Variants in RNF17 observed in about 807,000 individuals in gnomAD.
The protein encoded by RNF17 is spermatogenesis associated 23.
Under a neutral mutation model 200.5 loss-of-function variants are expected in RNF17, and 31 were observed. The observed-to-expected ratio is 0.15, with a 90% CI of 0.12 to 0.21. The LOEUF (loss-of-function observed/expected upper bound fraction) is 0.21, where lower values mean the gene tolerates loss of function less well. Ranked by LOEUF, RNF17 falls within the 10% of genes least tolerant of loss-of-function variation. The pLI is 1.00. For missense variants in RNF17, 1,628 were observed against 1,905.1 expected, an observed-to-expected ratio of 0.85 and a Z score of 2.71; for synonymous variants, 606 against 637.8, an observed-to-expected ratio of 0.95 and a Z score of 0.75.
chr13:24,853,796 T>C, intron 24 of RNF17, 59 bp from the exon 25 acceptor site: 1 of 1,315,450 alleles, frequency 7.6e-7, no homozygotes, highest in Non-Finnish European at 1.0e-6. Flanking sequence ...TTTTATGTTG[T>C]TTTACCCAGA....
At chr13:24,813,944 G>A (rs1593321756) in intron 15 of RNF17, among the ~76,000 whole-genome samples, 1 of 151,446 alleles carries the variant, frequency 6.6e-6, no homozygotes, top group Non-Finnish European at 1.5e-5. Flanking sequence ...TTACAGGCAT[G>A]AGCCTCGACA....
At chr13:24,830,149 G>A (rs1889226075) in intron 16 of RNF17, among the ~76,000 whole-genome samples, 1 of 152,110 alleles carries the variant, frequency 6.6e-6, no homozygotes, top group Non-Finnish European at 1.5e-5. Flanking sequence ...AGGTCACATA[G>A]AATTTTAGTG....
intron 24 of RNF17, among the ~76,000 whole-genome samples, 196 bp downstream of exon 24, chr13:24,851,767 T>C (rs1891919324): frequency 3.3e-5 from 5 of 152,216 alleles, no homozygotes. Context: ...TGTCAGTTCT[T>C]GCACACTTAA....
At chr13:24,853,716 G>T in intron 24 of RNF17, 139 bp from the exon 25 acceptor site, 2 of 602,520 alleles carry the variant, frequency 3.3e-6, no homozygotes, top group Non-Finnish European at 5.4e-6. Flanking sequence ...AATTTTAACT[G>T]ATGCTAATTT....
intron 13 of RNF17, among the ~76,000 whole-genome samples, chr13:24,801,793 G>T (rs537783354): frequency 1.3e-5 from 2 of 149,948 alleles, no homozygotes; most frequent in South Asian, 4.2e-4. Flanking sequence ...TTTCATCTAA[G>T]TGGAAAATTG....
chr13:24,829,916 G>A (rs969170984), intron 16 of RNF17, among the ~76,000 whole-genome samples: 9 of 152,050 alleles, frequency 5.9e-5, no homozygotes, highest in Admixed American at 5.9e-4. Context: ...ATGAATCTTT[G>A]TTGAATCTTT....
At chr13:24,809,481 G>A in intron 15 of RNF17, among the ~76,000 whole-genome samples, 1 of 152,070 alleles carries the variant, frequency 6.6e-6, no homozygotes, top group Non-Finnish European at 1.5e-5. Flanking sequence ...TGGGATCGGT[G>A]GTGATATCCC....
chr13:24,835,566 G>C (rs1449671749), intron 18 of RNF17, among the ~76,000 whole-genome samples: 1 of 152,144 alleles, frequency 6.6e-6, no homozygotes, highest in African/African-American at 2.4e-5. Flanking sequence ...GACCCAGAAA[G>C]AGACAACAAT....
chr13:24,849,350 A>C (rs1184376183), intron 22 of RNF17, among the ~76,000 whole-genome samples: 1 of 152,134 alleles, frequency 6.6e-6, no homozygotes, highest in Non-Finnish European at 1.5e-5. Context: ...AGCTTGTCCA[A>C]CCCACAGCCC....
At position 24,793,022 on chromosome 13, in the gene RNF17, A is replaced by G; in HGVS notation, c.936-20A>G. On this transcript the variant is annotated intron_variant, in intron 9 of 35. Coordinates refer to ENST00000255324, the MANE Select transcript of RNF17 (RefSeq NM_031277.3). ...ATATACCTCTGTATTCATAGCTTAT[A>G]TCTCTGTATTTTTAAACAGATGTTA... The G allele has an allele frequency of 2.0e-6, 3 of 1,469,770 alleles. No homozygotes were observed. Among genetic ancestry groups the G allele is most frequent in the East Asian group, 2.3e-5 (1 of 44,250 alleles). The allele number at this position is 1,469,770 out of a possible 1,614,324, so 91.0% of individuals were successfully genotyped here.
chr13:24,884,350 C>G (rs149001401), downstream of RNF17: 7 of 1,614,182 alleles, frequency 4.3e-6, no homozygotes, highest in Non-Finnish European at 5.9e-6. Flanking sequence ...TGACCTGCTT[C>G]ACGTCACCAT....
intron 11 of RNF17, among the ~76,000 whole-genome samples, chr13:24,797,705 A>AGTGTGTGTGTCTGTGTGTGT (rs61635829): frequency 1.8e-3 from 217 of 119,088 alleles, no homozygotes; most frequent in African/African-American, 5.7e-3. Flanking sequence ...AGAGACAAAG[A>AGTGTGTGTGTCTGTGTGTGT]GTGTGTGTGT....
chr13:24,763,842 A>G (rs1251180699), upstream of RNF17, among the ~76,000 whole-genome samples: 1 of 152,212 alleles, frequency 6.6e-6, no homozygotes, highest in Non-Finnish European at 1.5e-5. Context: ...TCTGGCCCTG[A>G]CACGTAATAG....
At chr13:24,855,536 G>A (rs1234020263) in intron 25 of RNF17, among the ~76,000 whole-genome samples, 14 of 151,958 alleles carry the variant, frequency 9.2e-5, no homozygotes, top group Admixed American at 9.2e-4. Flanking sequence ...GCTGAGGCAG[G>A]AGAATCATTT....
intron 15 of RNF17, among the ~76,000 whole-genome samples, chr13:24,814,538 A>G (rs925366850): frequency 3.9e-5 from 6 of 152,150 alleles, no homozygotes; most frequent in African/African-American, 1.4e-4. Flanking sequence ...TTTTGAGTTA[A>G]TTTTGTACAA....
intron 2 of RNF17, 21 bp from the exon 3 acceptor site, chr13:24,774,792 T>A (rs1566117907): frequency 6.5e-7 from 1 of 1,535,668 alleles, no homozygotes; most frequent in Non-Finnish European, 9.0e-7. Context: ...TTTGTTTTTT[T>A]AAACCTTATT....
the RNF17 span, among the ~76,000 whole-genome samples, chr13:24,750,182 A>T: frequency 6.6e-6 from 1 of 152,344 alleles, no homozygotes; most frequent in Admixed American, 6.5e-5. Flanking sequence ...CAGAAAAAAT[A>T]AAAACTACAT....
chr13:24,825,581 T>C lies in RNF17; in HGVS notation c.2092-38T>C, dbSNP rs752533474. Reference sequence around the variant, plus strand: ...TCATTCAACACTTACATTTTAAGTTTCTGTGAAATGACAGTGCTTTATCCC... The same window carrying C: ...TCATTCAACACTTACATTTTAAGTTCCTGTGAAATGACAGTGCTTTATCCC... On this transcript the variant is annotated intron_variant, in intron 15 of 35. Coordinates refer to ENST00000255324, the MANE Select transcript of RNF17 (RefSeq NM_031277.3). The C allele has an allele frequency of 9.4e-6, 13 of 1,385,232 alleles. No homozygotes were observed. The South Asian group carries it at 1.7e-4, about 18-fold the overall frequency. The allele number at this position is 1,385,232 out of a possible 1,614,324, so 85.8% of individuals were successfully genotyped here.
Position 24,854,103 on chromosome 13 carries a change from T to TTG in RNF17, c.3570_3571dup (p.Gly1191ValfsTer9). ...GTATTTGAGGCAACAGTCAGCTGTG[T>TTG]TGGTGATGATGGAACTATATTTGTA... is the stretch of plus-strand genomic sequence containing the variant. On this transcript the variant is annotated frameshift_variant, in exon 25 of 36. Transcript: ENST00000255324. LOFTEE classifies it high-confidence loss of function. 6.2e-7 allele frequency: 1 copy of TTG among 1,613,892 alleles called. No homozygotes were observed. The highest frequency in any genetic ancestry group is 8.5e-7 in the Non-Finnish European group (1 of 1,179,844).
Sources: allele counts gnomAD v4.1 joint callset (sites outside exome capture counted in the v4.1 genomes callset), GRCh38; gene constraint gnomAD v4.1.1; transcripts MANE v1.5; gene names NCBI Gene and HGNC (gene_info 2026-07-23, HGNC 2026-07-21).